Variants in ERCC1 observed in about 807,000 individuals in gnomAD.
The protein encoded by ERCC1 is DNA excision repair protein ERCC-1.
In ERCC1, 36 loss-of-function variants were observed where a neutral mutation model predicts 37.6. That is an observed-to-expected ratio of 0.96 (90% CI 0.73 to 1.26). ERCC1 has a LOEUF of 1.26. Among genes scored for constraint, ERCC1 ranks in the 50% most tolerant of loss-of-function variants. The pLI is 0.00. For missense variants in ERCC1, 349 were observed against 376.5 expected (o/e 0.93, Z 0.60); for synonymous variants, 156 against 162.1 (o/e 0.96, Z 0.28).
chr19:45,413,676 C>T lies in ERCC1; in HGVS notation c.843+1G>A. Reference sequence around the variant, plus strand: ...CTTGGGTTCTTTCCCAGAGCTCTTACTTTCTGAGGGCCCAGGCCTGGGCAT... The same window carrying T: ...CTTGGGTTCTTTCCCAGAGCTCTTATTTTCTGAGGGCCCAGGCCTGGGCAT... On this transcript the variant is annotated splice_donor_variant, in intron 9 of 9. Transcript: ENST00000300853. LOFTEE classifies it high-confidence loss of function. 1 of 1,614,212 alleles carries T rather than the reference C, an allele frequency of 6.2e-7. No individual in the cohort carries two copies. Among genetic ancestry groups the T allele is most frequent in the Non-Finnish European group, 8.5e-7 (1 of 1,180,042 alleles).
chr19:45,409,292 G>A lies in ERCC1; in HGVS notation c.*383C>T, dbSNP rs1973540941. On this transcript the variant is annotated 3_prime_UTR_variant, in exon 10 of 10. Coordinates refer to ENST00000300853, the MANE Select transcript of ERCC1 (RefSeq NM_001983.4). ...AGTGACTGAGCCAATTCAGCCACTA[G>A]AGCCTGAACTGCCAGGGGAGGGACA... 2 of 1,614,094 alleles carry A rather than the reference G, an allele frequency of 1.2e-6. No homozygotes were observed. Among genetic ancestry groups the A allele is most frequent in the Admixed American group, 1.7e-5 (1 of 60,022 alleles).
intron 5 of ERCC1, among the ~76,000 whole-genome samples, chr19:45,418,353 C>T (rs1273204856): frequency 6.6e-6 from 1 of 151,362 alleles, no homozygotes; most frequent in Non-Finnish European, 1.5e-5. Flanking sequence ...TGTCTCAAAA[C>T]AATCAATCAA....
chr19:45,419,292 T>C, intron 4 of ERCC1, 95 bp from the exon 5 acceptor site: 1 of 881,242 alleles, frequency 1.1e-6, no homozygotes, highest in Non-Finnish European at 1.9e-6. Context: ...GGGCTCAGAG[T>C]ACGGCATGGG....
At chr19:45,439,823 T>G (rs1395038785) in intron 1 of ERCC1, among the ~76,000 whole-genome samples, 1 of 151,902 alleles carries the variant, frequency 6.6e-6, no homozygotes, top group African/African-American at 2.4e-5. Flanking sequence ...GGGGGACGGC[T>G]GTGACTCAGG....
upstream of ERCC1, among the ~76,000 whole-genome samples, chr19:45,428,577 T>A (rs1021090946): frequency 6.6e-6 from 1 of 152,180 alleles, no homozygotes; most frequent in African/African-American, 2.4e-5. Flanking sequence ...CTACGGCCCC[T>A]GCTCCCATCC....
chr19:45,417,702 T>A (rs1268945611), intron 5 of ERCC1, among the ~76,000 whole-genome samples: 2 of 151,950 alleles, frequency 1.3e-5, no homozygotes, highest in Admixed American at 6.6e-5. Flanking sequence ...AGTTTTATGA[T>A]CTTTTTAATT....
intron 9 of ERCC1, chr19:45,410,765 TTAACA>T (rs1367757529): frequency 1.3e-5 from 2 of 152,218 alleles, no homozygotes; most frequent in Non-Finnish European, 2.9e-5. Context: ...CTTATTTCAC[TTAACA>T]TAATAATCCC....
In ERCC1 at chr19:45,409,085, A is replaced by G. The variant is rs762562; in HGVS notation, c.*590T>C. 270,838 of 1,613,908 alleles carry G rather than the reference A, an allele frequency of 0.17. 26,751 individuals carry two copies. Among genetic ancestry groups the G allele is most frequent in the East Asian group, 0.46 (20,603 of 44,848 alleles). ...GGCGCCTCAACAGCCAGAAGGAGCG[A>G]AGCCTCAGGCCCAGGCAGCTCTGGC... On this transcript the variant is annotated 3_prime_UTR_variant, in exon 10 of 10. Coordinates refer to ENST00000300853, the MANE Select transcript of ERCC1 (RefSeq NM_001983.4).
chr19:45,421,116 T>A (rs1188230829), intron 3 of ERCC1, 62 bp downstream of exon 3: 2 of 1,401,986 alleles, frequency 1.4e-6, no homozygotes. Flanking sequence ...ACTGGAGTCA[T>A]CCCTAGAACA....
upstream of ERCC1, among the ~76,000 whole-genome samples, chr19:45,428,105 A>T (rs1974744331): frequency 1.1e-5 from 1 of 90,026 alleles, no homozygotes; most frequent in African/African-American, 1.0e-4. Flanking sequence ...TTTTTTTGAG[A>T]CGGAGTCTCT....
At chr19:45,429,098 G>C (rs1974773927) in intron 1 of ERCC1, 1 of 152,304 alleles carries the variant, frequency 6.6e-6, no homozygotes, top group Non-Finnish European at 1.5e-5. Flanking sequence ...TGGATGTACA[G>C]CAAAGGAAAG....
upstream of ERCC1, among the ~76,000 whole-genome samples, chr19:45,426,563 A>G (rs1272672123): frequency 2.0e-5 from 3 of 151,216 alleles, no homozygotes; most frequent in Admixed American, 2.0e-4. Context: ...AAAAAAAAAA[A>G]AAAATTTTTT....
rs752931566 is a variant in ERCC1, at chr19:45,408,948, CGAA to C, written c.*724_*726del. On this transcript the variant is annotated 3_prime_UTR_variant, in exon 10 of 10. Transcript: ENST00000300853. The stretch of plus-strand genomic sequence containing the variant: ...GAGGAAGCCATCCCTCTGCCCCCTA[CGAA>C]GAAGAGGAAAAAAGAAAAGGGACAG... 3.7e-6 allele frequency: 6 copies of C among 1,613,672 alleles called. No homozygotes were observed. Among genetic ancestry groups the C allele is most frequent in the Admixed American group, 3.3e-5 (2 of 59,950 alleles).
At chr19:45,439,102 C>T (rs142814567) in intron 1 of ERCC1, among the ~76,000 whole-genome samples, 1 of 152,210 alleles carries the variant, frequency 6.6e-6, no homozygotes, top group African/African-American at 2.4e-5. Context: ...AGGAGAATTT[C>T]TTGCACCCAG....
At chr19:45,410,269 C>T (rs935690521) in intron 9 of ERCC1, 3 of 152,100 alleles carry the variant, frequency 2.0e-5, no homozygotes, top group Non-Finnish European at 2.9e-5. Context: ...CTGCAACCTC[C>T]GCCTCCTGGG....
At chr19:45,434,005 G>A (rs1974902662) in intron 1 of ERCC1, among the ~76,000 whole-genome samples, 1 of 151,728 alleles carries the variant, frequency 6.6e-6, no homozygotes. Context: ...GTCAGGCATG[G>A]TGGCATGCGC....
intron 1 of ERCC1, among the ~76,000 whole-genome samples, chr19:45,433,521 A>G (rs887100918): frequency 2.0e-5 from 3 of 148,354 alleles, no homozygotes; most frequent in African/African-American, 7.9e-5. Flanking sequence ...GTGAGAGTCC[A>G]TCTCAAAAAC....
chr19:45,419,236 C>T lies in ERCC1; in HGVS notation c.426-39G>A, dbSNP rs373992600. On this transcript the variant is annotated intron_variant, in intron 4 of 9. Coordinates refer to ENST00000300853, the MANE Select transcript of ERCC1 (RefSeq NM_001983.4). The stretch of plus-strand genomic sequence containing the variant: ...GGAGCGGGAGTTGAGAGGTCTCAGT[C>T]TCTTCAAGACCCCCAAAGCCCTTTT... 14 of 1,375,526 alleles carry T rather than the reference C, an allele frequency of 1.0e-5. No homozygotes were observed. The African/African-American group carries it at 1.9e-4, about 18-fold the overall frequency. The allele number at this position is 1,375,526 out of a possible 1,614,324, so 85.2% of individuals were successfully genotyped here. A position where few individuals can be genotyped will look rare whatever the true frequency, so the allele number is the denominator to read the frequency against.
intron 3 of ERCC1, 94 bp downstream of exon 3, chr19:45,421,084 G>T: frequency 9.8e-7 from 1 of 1,019,658 alleles, no homozygotes; most frequent in Non-Finnish European, 1.5e-6. Context: ...GAACAAAGTG[G>T]CTGGAACTCA....
Sources: allele counts gnomAD v4.1 joint callset (sites outside exome capture counted in the v4.1 genomes callset), GRCh38; gene constraint gnomAD v4.1.1; transcripts MANE v1.5; gene names NCBI Gene and HGNC (gene_info 2026-07-23, HGNC 2026-07-21).